FLI1: variants seen among roughly 807,000 people sequenced by gnomAD.
FLI1 encodes the protein Fli-1 proto-oncogene, ETS transcription factor.
Under a neutral mutation model 53.1 loss-of-function variants are expected in FLI1, and 13 were observed. That is an observed-to-expected ratio of 0.24 (90% CI 0.16 to 0.39). The LOEUF is 0.39. Ranked by LOEUF, FLI1 falls within the 10% of genes least tolerant of loss-of-function variation. FLI1 has a pLI of 1.00. For missense variants in FLI1, 424 were observed against 600.5 expected (o/e 0.71, Z 3.07); for synonymous variants, 244 against 236.7 (o/e 1.03, Z -0.28).
chr11:128,757,907 C>T (rs1219264041), intron 1 of FLI1, among the ~76,000 whole-genome samples: 2 of 152,172 alleles, frequency 1.3e-5, no homozygotes, highest in Non-Finnish European at 2.9e-5. Flanking sequence ...ACTCCACTGC[C>T]CAAAGTCCCT....
intron 1 of FLI1, among the ~76,000 whole-genome samples, chr11:128,701,697 G>A (rs1452914465): frequency 6.6e-6 from 1 of 152,180 alleles, no homozygotes; most frequent in Non-Finnish European, 1.5e-5. Flanking sequence ...TCAAAGGGAA[G>A]GCAGACTTGA....
intron 1 of FLI1, among the ~76,000 whole-genome samples, chr11:128,757,838 T>G (rs952226312): frequency 4.6e-5 from 7 of 152,298 alleles, no homozygotes; most frequent in African/African-American, 1.7e-4. Context: ...CCCTCCTTTT[T>G]GGGGGTCCCA....
chr11:128,782,265 G>A (rs1026648058), intron 5 of FLI1, among the ~76,000 whole-genome samples: 10 of 152,196 alleles, frequency 6.6e-5, no homozygotes, highest in African/African-American at 2.4e-4. Context: ...CTCCATGCAG[G>A]AAAACATGTT....
chr11:128,724,866 T>C (rs570523477), intron 1 of FLI1, among the ~76,000 whole-genome samples: 1 of 152,280 alleles, frequency 6.6e-6, no homozygotes, highest in East Asian at 1.9e-4. Flanking sequence ...CTTGGTAATA[T>C]CACTACGATT....
At chr11:128,765,009 C>T (rs1318268218) in intron 2 of FLI1, among the ~76,000 whole-genome samples, 3 of 151,104 alleles carry the variant, frequency 2.0e-5, no homozygotes, top group Admixed American at 6.6e-5. Flanking sequence ...GCGGCCAAAC[C>T]GATCACCTGT....
chr11:128,752,644 T>A (rs1591781460), intron 1 of FLI1, among the ~76,000 whole-genome samples: 1 of 152,250 alleles, frequency 6.6e-6, no homozygotes, highest in African/African-American at 2.4e-5. Flanking sequence ...CACATCACAC[T>A]AACTTTCTGT....
chr11:128,792,526 T>G (rs1942302624), intron 5 of FLI1, among the ~76,000 whole-genome samples: 1 of 152,172 alleles, frequency 6.6e-6, no homozygotes, highest in Non-Finnish European at 1.5e-5. Context: ...CGCTTATCAG[T>G]CAAATTCTTT....
rs757100075 is a variant in FLI1, at chr11:128,805,448, T to C, written c.721+17T>C. The stretch of plus-strand genomic sequence containing the variant: ...TCAACAAAAGTAAGTAAATGTTTTA[T>C]AGTTCTTTGGAGGAAAGCATGTTTC... On this transcript the variant is annotated intron_variant, in intron 6 of 8. Transcript: ENST00000527786. 7 of 1,499,272 alleles carry C rather than the reference T, an allele frequency of 4.7e-6. No homozygotes were observed. Among genetic ancestry groups the C allele is most frequent in the Middle Eastern group, 3.4e-4 (2 of 5,886 alleles). The allele number at this position is 1,499,272 out of a possible 1,614,324, so 92.9% of individuals were successfully genotyped here.
intron 4 of FLI1, among the ~76,000 whole-genome samples, chr11:128,777,529 G>A (rs957988241): frequency 5.3e-5 from 8 of 152,208 alleles, no homozygotes; most frequent in African/African-American, 1.2e-4. Context: ...CAGAGGTTTT[G>A]AGTCTGGGCA....
chr11:128,786,886 G>A (rs1435541389), intron 5 of FLI1, among the ~76,000 whole-genome samples: 1 of 152,118 alleles, frequency 6.6e-6, no homozygotes, highest in East Asian at 1.9e-4. Flanking sequence ...TCATCAACCG[G>A]CCAAGGGCCT....
At chr11:128,709,620 A>G (rs552702358) in intron 1 of FLI1, among the ~76,000 whole-genome samples, 2 of 152,210 alleles carry the variant, frequency 1.3e-5, no homozygotes, top group Admixed American at 6.5e-5. Context: ...TGGCTTCAGG[A>G]ATTCCAGGCT....
At chr11:128,797,692 A>C (rs1663260249) in intron 5 of FLI1, among the ~76,000 whole-genome samples, 1 of 152,202 alleles carries the variant, frequency 6.6e-6, no homozygotes, top group African/African-American at 2.4e-5. Flanking sequence ...ATTCAGTAAA[A>C]CATTGTTGAA....
intron 8 of FLI1, among the ~76,000 whole-genome samples, chr11:128,809,431 GC>G (rs376882123): frequency 1.5e-4 from 23 of 152,326 alleles, no homozygotes; most frequent in African/African-American, 5.3e-4. Context: ...AAACACATCA[GC>G]ACTGCACATG....
rs1436951081 is a variant in FLI1 at position 128,694,184 on chromosome 11, G to A, written c.-75G>A. ...CAGGGAGGCCGCGCCGGGCTAATCC[G>A]AAGGGGCTGCGAGGTCAGGCTGTAA... On this transcript the variant is annotated 5_prime_UTR_variant, in exon 1 of 9. Coordinates refer to ENST00000527786, the MANE Select transcript of FLI1 (RefSeq NM_002017.5). The A allele has an allele frequency of 2.7e-6, 4 of 1,486,886 alleles. No homozygotes were observed. In the Admixed American group the frequency reaches 7.3e-5, roughly 27 times the overall value. 92.1% of individuals were successfully genotyped at this position (1,486,886 alleles called of 1,614,324 possible).
intron 1 of FLI1, among the ~76,000 whole-genome samples, chr11:128,708,446 TGA>T (rs780587172): frequency 3.9e-5 from 6 of 152,210 alleles, no homozygotes; most frequent in Non-Finnish European, 5.9e-5. Context: ...CTAGCTCCCC[TGA>T]GAGAGTTTTA....
chr11:128,687,224 G>C (rs924193794), intron 1 of FLI1, among the ~76,000 whole-genome samples: 4 of 152,100 alleles, frequency 2.6e-5, no homozygotes, highest in Non-Finnish European at 4.4e-5. Flanking sequence ...CCCGCCCTTC[G>C]GAAGCGCAGA....
chr11:128,745,875 T>C (rs1940365637), intron 1 of FLI1, among the ~76,000 whole-genome samples: 1 of 152,208 alleles, frequency 6.6e-6, no homozygotes, highest in African/African-American at 2.4e-5. Context: ...GTGGGCTCCC[T>C]GTGATTGTAA....
At chr11:128,727,618 T>A (rs958739464) in intron 1 of FLI1, among the ~76,000 whole-genome samples, 1 of 152,246 alleles carries the variant, frequency 6.6e-6, no homozygotes, top group Non-Finnish European at 1.5e-5. Flanking sequence ...TTAAGTCCCA[T>A]CTGATTGAGA....
chr11:128,801,422 G>GA (rs926741107), intron 5 of FLI1, among the ~76,000 whole-genome samples: 16 of 152,114 alleles, frequency 1.1e-4, no homozygotes, highest in South Asian at 2.1e-4. Flanking sequence ...CTTTTAGTAG[G>GA]AAAAAAATAT....
Sources: gnomAD v4.1 joint callset for allele counts (sites outside exome capture counted in the v4.1 genomes callset) on GRCh38, gnomAD v4.1.1 for gene constraint, MANE v1.5 for transcripts, NCBI Gene and HGNC (gene_info 2026-07-23, HGNC 2026-07-21) for gene names.